Variants in GRID2 observed in about 807,000 individuals in gnomAD.
The protein encoded by GRID2 is glutamate ionotropic receptor delta type subunit 2.
A neutral mutation model predicts 114.8 loss-of-function variants in GRID2; 33 were observed. That is an observed-to-expected ratio of 0.29 (90% confidence interval 0.22 to 0.38). GRID2 has a LOEUF of 0.38. Among genes scored for constraint, GRID2 ranks in the 10% least tolerant of loss-of-function variants. GRID2 has a pLI of 1.00. For synonymous variants in GRID2, 505 were observed against 449.9 expected (o/e 1.12, Z -1.55); for missense variants, 1,184 against 1,257.7 (o/e 0.94, Z 0.89).
At chr4:92,402,878 G>T (rs905935699) in intron 1 of GRID2, among the ~76,000 whole-genome samples, 1 of 152,126 alleles carries the variant, frequency 6.6e-6, no homozygotes, top group South Asian at 2.1e-4. Flanking sequence ...GTCCTACATG[G>T]CATCTTCTTC....
chr4:92,654,735 A>G (rs1174216293), intron 2 of GRID2, among the ~76,000 whole-genome samples: 1 of 151,026 alleles, frequency 6.6e-6, no homozygotes, highest in Non-Finnish European at 1.5e-5. Context: ...TCTTTTGCCT[A>G]TTTTCAAATG....
chr4:93,103,854 T>A (rs1221865328), intron 3 of GRID2, among the ~76,000 whole-genome samples: 2 of 148,926 alleles, frequency 1.3e-5, no homozygotes, highest in South Asian at 2.1e-4. Flanking sequence ...TTTTTTTTTG[T>A]TTGTTTTTTT....
chr4:93,347,615 T>G (rs1213602824), intron 8 of GRID2, among the ~76,000 whole-genome samples: 1 of 152,140 alleles, frequency 6.6e-6, no homozygotes, highest in African/African-American at 2.4e-5. Flanking sequence ...TAACACTCTA[T>G]TAAGTCTACT....
chr4:92,919,731 T>G (rs544480759), intron 2 of GRID2, among the ~76,000 whole-genome samples: 1 of 152,328 alleles, frequency 6.6e-6, no homozygotes, highest in Non-Finnish European at 1.5e-5. Flanking sequence ...TTGTTATAAT[T>G]TCTGTTCTGT....
At chr4:93,154,937 T>A (rs1264693613) in intron 4 of GRID2, among the ~76,000 whole-genome samples, 2 of 151,962 alleles carry the variant, frequency 1.3e-5, no homozygotes, top group Non-Finnish European at 1.5e-5. Flanking sequence ...AGATGATCCT[T>A]ACATTTATAT....
intron 8 of GRID2, among the ~76,000 whole-genome samples, chr4:93,320,930 A>C (rs1757142333): frequency 6.6e-6 from 1 of 151,994 alleles, no homozygotes; most frequent in Non-Finnish European, 1.5e-5. Flanking sequence ...AATATATAAG[A>C]TATTTATTAG....
At chr4:93,376,255 A>G (rs999799573) in intron 8 of GRID2, among the ~76,000 whole-genome samples, 1 of 152,198 alleles carries the variant, frequency 6.6e-6, no homozygotes, top group African/African-American at 2.4e-5. Context: ...GACGGATCGT[A>G]TGACTACAAA....
intron 2 of GRID2, among the ~76,000 whole-genome samples, chr4:92,718,761 CAA>C (rs3077559): frequency 5.0e-4 from 21 of 41,784 alleles, no homozygotes; most frequent in African/African-American, 1.6e-3. Context: ...AGACCCTGTC[CAA>C]AAAAAAAAAA....
chr4:92,411,653 G>GTATATATATATATATATATATATATATA (rs770186876), intron 1 of GRID2, among the ~76,000 whole-genome samples: 11 of 98,820 alleles, frequency 1.1e-4, no homozygotes, highest in African/African-American at 4.8e-4. Flanking sequence ...GTGTGTGTGT[G>GTATATATATATATATATATATATATATA]TGTATATATA....
intron 2 of GRID2, among the ~76,000 whole-genome samples, chr4:92,905,397 T>A (rs1747869498): frequency 6.6e-6 from 1 of 152,064 alleles, no homozygotes; most frequent in South Asian, 2.1e-4. Flanking sequence ...AAAATTTTCA[T>A]ATGATTGTGA....
At chr4:93,271,726 A>C (rs777371967) in intron 8 of GRID2, among the ~76,000 whole-genome samples, 1 of 152,192 alleles carries the variant, frequency 6.6e-6, no homozygotes, top group Non-Finnish European at 1.5e-5. Context: ...AAATTAACCC[A>C]GCAGAAAAAA....
intron 2 of GRID2, among the ~76,000 whole-genome samples, chr4:93,033,399 G>T (rs1560813431): frequency 6.6e-6 from 1 of 152,142 alleles, no homozygotes; most frequent in Non-Finnish European, 1.5e-5. Flanking sequence ...AGTTTCGGTT[G>T]TCCTCCCCTC....
chr4:93,460,346 CT>C (rs1457343614), intron 11 of GRID2, among the ~76,000 whole-genome samples: 1 of 152,178 alleles, frequency 6.6e-6, no homozygotes, highest in Non-Finnish European at 1.5e-5. Context: ...AGACAAGACT[CT>C]TTCCTAACTC....
chr4:92,656,835 A>G (rs1732263478), intron 2 of GRID2, among the ~76,000 whole-genome samples: 1 of 151,812 alleles, frequency 6.6e-6, no homozygotes, highest in Non-Finnish European at 1.5e-5. Context: ...ATTTTATAAG[A>G]TGTGACGTAA....
intron 1 of GRID2, among the ~76,000 whole-genome samples, chr4:92,523,751 G>A (rs1285226141): frequency 6.6e-6 from 1 of 152,036 alleles, no homozygotes; most frequent in Non-Finnish European, 1.5e-5. Context: ...GGACACAGAA[G>A]TGGGCTGTGT....
chr4:92,970,989 G>C (rs1396622461), intron 2 of GRID2, among the ~76,000 whole-genome samples: 1 of 151,542 alleles, frequency 6.6e-6, no homozygotes, highest in African/African-American at 2.4e-5. Context: ...ATGTGTGTCT[G>C]TGTGTGTATT....
intron 10 of GRID2, among the ~76,000 whole-genome samples, chr4:93,438,031 C>T (rs1442443339): frequency 6.6e-6 from 1 of 151,960 alleles, no homozygotes; most frequent in Non-Finnish European, 1.5e-5. Context: ...TTTTGGAAAT[C>T]AGAAGACTAA....
At chr4:92,541,726 T>C (rs957496134) in intron 1 of GRID2, among the ~76,000 whole-genome samples, 1 of 152,108 alleles carries the variant, frequency 6.6e-6, no homozygotes, top group African/African-American at 2.4e-5. Flanking sequence ...GATTAAATGA[T>C]GATAGTGTTT....
chr4:92,990,335 T>A (rs1214769477), intron 2 of GRID2, among the ~76,000 whole-genome samples: 1 of 150,756 alleles, frequency 6.6e-6, no homozygotes, highest in Non-Finnish European at 1.5e-5. Context: ...GTGTATAATT[T>A]TTTTTGAGAT....
Sources: allele counts gnomAD v4.1 joint callset (sites outside exome capture counted in the v4.1 genomes callset), GRCh38; gene constraint gnomAD v4.1.1; transcripts MANE v1.5; gene names NCBI Gene and HGNC (gene_info 2026-07-23, HGNC 2026-07-21).